The following WDPCP variants were observed in gnomAD, a reference collection of about 807,000 sequenced individuals.
WDPCP encodes WD repeat-containing and planar cell polarity effector protein fritz homolog.
Under a neutral mutation model 93.1 loss-of-function variants are expected in WDPCP, and 71 were observed. The observed-to-expected ratio is 0.76, with a 90% CI of 0.63 to 0.93. The LOEUF (loss-of-function observed/expected upper bound fraction) is 0.93. Ranked by LOEUF, WDPCP falls within the 40% of genes least tolerant of loss-of-function variation. WDPCP has a pLI of 0.00. For missense variants in WDPCP, 844 were observed against 887.4 expected, an observed-to-expected ratio of 0.95 and a Z score of 0.62; for synonymous variants, 315 against 315.0, an observed-to-expected ratio of 1.00 and a Z score of 0.00.
chr2:63,273,118 G>T (rs552552927), intron 13 of WDPCP, among the ~76,000 whole-genome samples: 7 of 152,024 alleles, frequency 4.6e-5, no homozygotes, highest in Non-Finnish European at 1.0e-4. Flanking sequence ...AAACATGTCA[G>T]CCAAGAGTAC....
intron 2 of WDPCP, among the ~76,000 whole-genome samples, chr2:63,723,008 C>T (rs555940059): frequency 6.6e-6 from 1 of 152,338 alleles, no homozygotes; most frequent in Admixed American, 6.5e-5. Flanking sequence ...CTCTCTGAAA[C>T]ATGTGCTGTG....
intron 2 of WDPCP, among the ~76,000 whole-genome samples, chr2:63,667,833 C>T (rs1467102354): frequency 6.6e-6 from 1 of 152,146 alleles, no homozygotes; most frequent in Non-Finnish European, 1.5e-5. Context: ...GGTTTCCTTC[C>T]TTTAATATTC....
chr2:63,371,447 A>ATTGAG (rs2104779401), intron 12 of WDPCP, among the ~76,000 whole-genome samples: 1 of 152,204 alleles, frequency 6.6e-6, no homozygotes, highest in South Asian at 2.1e-4. Context: ...CAAATCATCT[A>ATTGAG]TTGAGTTCCC....
intron 2 of WDPCP, among the ~76,000 whole-genome samples, chr2:63,697,903 GCC>G (rs1237020256): frequency 6.6e-6 from 1 of 150,668 alleles, no homozygotes. Flanking sequence ...TCCTACCTTG[GCC>G]TCCCAAAGTG....
intron 3 of WDPCP, among the ~76,000 whole-genome samples, chr2:63,625,799 G>A (rs1296687965): frequency 6.6e-6 from 1 of 151,902 alleles, no homozygotes; most frequent in Admixed American, 6.6e-5. Flanking sequence ...TCCCCATCAA[G>A]CTACCATTGA....
intron 15 of WDPCP, among the ~76,000 whole-genome samples, chr2:63,158,586 C>T (rs1308814871): frequency 1.3e-5 from 2 of 152,012 alleles, no homozygotes; most frequent in Admixed American, 6.6e-5. Flanking sequence ...TTTTCCTTCA[C>T]CAAATTTGAA....
At chr2:63,275,905 C>T (rs984405140) in intron 13 of WDPCP, among the ~76,000 whole-genome samples, 3 of 152,144 alleles carry the variant, frequency 2.0e-5, no homozygotes, top group Non-Finnish European at 4.4e-5. Flanking sequence ...AACTTTTGCT[C>T]CAAGAACTAC....
chr2:63,511,257 A>C (rs1702214428), intron 1 of WDPCP, among the ~76,000 whole-genome samples: 1 of 152,204 alleles, frequency 6.6e-6, no homozygotes, highest in African/African-American at 2.4e-5. Context: ...GGACACAAAC[A>C]AATGGAAAAA....
At chr2:63,490,581 G>C (rs547084967) in intron 2 of WDPCP, among the ~76,000 whole-genome samples, 42 of 152,276 alleles carry the variant, frequency 2.8e-4, no homozygotes, top group African/African-American at 9.9e-4. Flanking sequence ...AGGTTAAATA[G>C]AAGAATGTCC....
chr2:63,346,087 T>C (rs529395498), intron 12 of WDPCP, among the ~76,000 whole-genome samples: 91 of 152,322 alleles, frequency 6.0e-4, no homozygotes, highest in South Asian at 2.1e-3. Context: ...AGTCCATTTA[T>C]GTGGAGGTAC....
At chr2:63,583,443 G>A (rs1211622181) in intron 1 of WDPCP, among the ~76,000 whole-genome samples, 1 of 152,136 alleles carries the variant, frequency 6.6e-6, no homozygotes, top group Non-Finnish European at 1.5e-5. Context: ...CAAGCACTTT[G>A]GGAGGCCAGG....
At chr2:63,748,583 G>A (rs961260000) in intron 2 of WDPCP, among the ~76,000 whole-genome samples, 2 of 151,968 alleles carry the variant, frequency 1.3e-5, no homozygotes, top group African/African-American at 4.8e-5. Flanking sequence ...AACCTAATTT[G>A]ATATATTATC....
intron 1 of WDPCP, among the ~76,000 whole-genome samples, chr2:63,563,306 A>C (rs1204403753): frequency 6.6e-6 from 1 of 151,992 alleles, no homozygotes; most frequent in Non-Finnish European, 1.5e-5. Flanking sequence ...CCACATATGG[A>C]ACGTATAACA....
chr2:63,820,876 A>G (rs998838170), intron 1 of WDPCP, among the ~76,000 whole-genome samples: 2 of 152,126 alleles, frequency 1.3e-5, no homozygotes, highest in African/African-American at 4.8e-5. Flanking sequence ...TCCCATATAA[A>G]TTTAACTTAA....
chr2:63,767,776 C>T (rs1670165511), intron 2 of WDPCP, among the ~76,000 whole-genome samples: 1 of 151,968 alleles, frequency 6.6e-6, no homozygotes, highest in African/African-American at 2.4e-5. Flanking sequence ...AATATTTTGT[C>T]CTGTCTGTGT....
chr2:63,424,547 G>C (rs568605891), intron 9 of WDPCP, among the ~76,000 whole-genome samples: 1 of 152,288 alleles, frequency 6.6e-6, no homozygotes, highest in South Asian at 2.1e-4. Flanking sequence ...GGAGCACTTT[G>C]ACTGCCCCAA....
chr2:63,522,760 G>A (rs926055274), intron 1 of WDPCP, among the ~76,000 whole-genome samples: 2 of 151,960 alleles, frequency 1.3e-5, no homozygotes, highest in African/African-American at 2.4e-5. Flanking sequence ...GGCTGAACCA[G>A]GAAGAAACTA....
chr2:63,289,613 A>G (rs368977709), intron 13 of WDPCP, among the ~76,000 whole-genome samples: 2 of 152,170 alleles, frequency 1.3e-5, no homozygotes, highest in African/African-American at 4.8e-5. Context: ...GGAATATGCC[A>G]TGTAGATTTG....
chr2:63,301,803 T>TTTC (rs1685354072), intron 13 of WDPCP, among the ~76,000 whole-genome samples: 1 of 151,998 alleles, frequency 6.6e-6, no homozygotes, highest in Non-Finnish European at 1.5e-5. Context: ...TTTTTTTTTT[T>TTTC]TTCCACTTTT....
Sources: gnomAD v4.1 joint callset for allele counts (sites outside exome capture counted in the v4.1 genomes callset) on GRCh38, gnomAD v4.1.1 for gene constraint, MANE v1.5 for transcripts, NCBI Gene and HGNC (gene_info 2026-07-23, HGNC 2026-07-21) for gene names.